Variants in CCDC47 observed in about 807,000 individuals in gnomAD.
CCDC47 encodes the protein coiled-coil domain containing 47.
In CCDC47, 41 loss-of-function variants were observed where a neutral mutation model predicts 60.5. The observed-to-expected ratio is 0.68, with a 90% CI of 0.53 to 0.88. The LOEUF is 0.88. Among genes scored for constraint, CCDC47 ranks in the 40% least tolerant of loss-of-function variants. The pLI is 0.00. For missense variants in CCDC47, 513 were observed against 580.9 expected (o/e 0.88, Z 1.20); for synonymous variants, 195 against 190.7 (o/e 1.02, Z -0.18).
intron 12 of CCDC47, among the ~76,000 whole-genome samples, chr17:63,748,172 TG>T (rs1180940192): frequency 6.6e-6 from 1 of 151,590 alleles, no homozygotes; most frequent in Non-Finnish European, 1.5e-5. Context: ...TTTTTTTGTT[TG>T]TGTTTGTTTT....
chr17:63,758,913 G>A (rs1394652406), intron 6 of CCDC47, among the ~76,000 whole-genome samples: 1 of 152,066 alleles, frequency 6.6e-6, no homozygotes, highest in African/African-American at 2.4e-5. Flanking sequence ...AAAATATAAA[G>A]AGCCACATAT....
chr17:63,763,254 A>G (rs889600983), intron 4 of CCDC47, among the ~76,000 whole-genome samples: 1 of 152,134 alleles, frequency 6.6e-6, no homozygotes. Context: ...TGGATGCAGT[A>G]GCTCACGTCT....
At chr17:63,761,567 C>T (rs1261785965) in intron 4 of CCDC47, 3 of 334,218 alleles carry the variant, frequency 9.0e-6, no homozygotes, top group African/African-American at 2.2e-5. Flanking sequence ...CATGGTGGCG[C>T]GTACCTGTAG....
intron 3 of CCDC47, 95 bp from the exon 4 acceptor site, chr17:63,764,285 G>C (rs2039281858): frequency 2.2e-6 from 2 of 902,138 alleles, no homozygotes; most frequent in South Asian, 3.5e-5. Flanking sequence ...ATAAACAGAA[G>C]GGATACTTCA....
rs1361622803 is a variant in CCDC47, at chr17:63,753,017, T to G, written c.1035-218A>C. The G allele has an allele frequency of 5.6e-6, 4 of 716,820 alleles. No homozygotes were observed. The African/African-American group carries it at 5.8e-5, about 10-fold the overall frequency. 44.4% of individuals were successfully genotyped at this position (716,820 alleles called of 1,614,324 possible). The stretch of plus-strand genomic sequence containing the variant: ...TTCTCAAGTGATCTTTATCCTATAT[T>G]TGAACACCTCCAGTGATGTTCCCTC... On this transcript the variant is annotated intron_variant, in intron 9 of 12. Transcript: ENST00000225726.
Position 63,766,189 on chromosome 17 carries a change from A to G in CCDC47, c.-14T>C. The G allele has an allele frequency of 1.9e-6, 3 of 1,588,520 alleles. No homozygotes were observed. Among genetic ancestry groups the G allele is most frequent in the Non-Finnish European group, 2.6e-6 (3 of 1,171,780 alleles). ...GAAGGCTTTCATTGCACCTTGAGAA[A>G]AAAAGCTTAAAAAAAAAGAGAACCC... On this transcript the variant is annotated 5_prime_UTR_variant, in exon 2 of 13. Transcript: ENST00000225726.
Position 63,754,473 on chromosome 17 carries a change from G to T in CCDC47, c.994C>A (p.His332Asn). 1 of 1,609,164 alleles carries T rather than the reference G, an allele frequency of 6.2e-7. No individual in the cohort carries two copies. The highest frequency in any genetic ancestry group is 1.1e-5 in the South Asian group (1 of 90,654). Residue 332 changes from histidine (H) to asparagine (N), a missense_variant, in exon 9 of 13, where the codon CAT (histidine) becomes AAT (asparagine). Transcript: ENST00000225726. ...THYADKIESVHFSDQFSGPKI... is the reference protein window; with the variant it reads ...THYADKIESVNFSDQFSGPKI... Reference sequence around the variant, plus strand: ...GGACCAGAGAACTGGTCTGAAAAATGAACAGATTCAATCTTGTCAGCATAG... The same window carrying T: ...GGACCAGAGAACTGGTCTGAAAAATTAACAGATTCAATCTTGTCAGCATAG...
chr17:63,761,102 T>C, intron 5 of CCDC47, 123 bp from the exon 6 acceptor site: 1 of 1,418,050 alleles, frequency 7.1e-7, no homozygotes, highest in Non-Finnish European at 9.9e-7. Context: ...CCAGTTAGTA[T>C]AAATATCACT....
intron 12 of CCDC47, chr17:63,747,445 T>G (rs2039129274): frequency 1.0e-6 from 1 of 983,304 alleles, no homozygotes; most frequent in Non-Finnish European, 1.2e-6. Flanking sequence ...ATACTTAAAT[T>G]CATAATGCTC....
At chr17:63,758,709 A>G (rs888748416) in intron 6 of CCDC47, among the ~76,000 whole-genome samples, 1 of 152,058 alleles carries the variant, frequency 6.6e-6, no homozygotes, top group Non-Finnish European at 1.5e-5. Flanking sequence ...CTGATATGAT[A>G]TATTTGTTAT....
intron 1 of CCDC47, among the ~76,000 whole-genome samples, chr17:63,771,999 TTGAAC>T (rs2039345810): frequency 1.3e-4 from 20 of 151,982 alleles, no homozygotes; most frequent in Admixed American, 1.3e-3. Flanking sequence ...GGAGAATCGC[TTGAAC>T]CCGAGAGATG....
intron 12 of CCDC47, among the ~76,000 whole-genome samples, chr17:63,750,262 T>C (rs1161025014): frequency 6.6e-6 from 1 of 152,202 alleles, no homozygotes; most frequent in African/African-American, 2.4e-5. Context: ...GATTCCTCTG[T>C]AGATTCTTCA....
chr17:63,771,305 G>C (rs142208978), intron 1 of CCDC47, among the ~76,000 whole-genome samples: 1 of 151,994 alleles, frequency 6.6e-6, no homozygotes, highest in Non-Finnish European at 1.5e-5. Flanking sequence ...ACATATATAA[G>C]TATATGGTAG....
intron 1 of CCDC47, chr17:63,767,042 A>C (rs2039303098): frequency 1.9e-6 from 1 of 519,492 alleles, no homozygotes; most frequent in African/African-American, 2.1e-5. Flanking sequence ...TCCTCATAAC[A>C]ACCCTCTAAG....
At chr17:63,747,000 G>A (rs1221188295) in intron 12 of CCDC47, 39 bp from the exon 13 acceptor site, 3 of 1,603,644 alleles carry the variant, frequency 1.9e-6, no homozygotes, top group Admixed American at 3.4e-5. Context: ...AAAGGGAGTG[G>A]GGACGAGAGA....
At chr17:63,760,020 C>T (rs939440924) in intron 6 of CCDC47, among the ~76,000 whole-genome samples, 3 of 145,318 alleles carry the variant, frequency 2.1e-5, no homozygotes, top group Non-Finnish European at 4.5e-5. Flanking sequence ...GCCGAGATTG[C>T]ACCACTGCAC....
chr17:63,751,662 T>C (rs1346380052), intron 12 of CCDC47: 4 of 552,282 alleles, frequency 7.2e-6, no homozygotes, highest in Admixed American at 3.3e-5. Flanking sequence ...TCTACCAAAG[T>C]GTTTGGCTCG....
At chr17:63,766,556 T>C (rs556271338) in intron 1 of CCDC47, among the ~76,000 whole-genome samples, 1 of 152,288 alleles carries the variant, frequency 6.6e-6, no homozygotes, top group East Asian at 1.9e-4. Flanking sequence ...CCCGAGTAGC[T>C]GGGATTACAG....
intron 1 of CCDC47, chr17:63,766,722 G>T: frequency 1.6e-6 from 1 of 618,838 alleles, no homozygotes; most frequent in Non-Finnish European, 2.0e-6. Flanking sequence ...ACTGTGCCCA[G>T]CCCAAGTCAT....
Sources: allele counts gnomAD v4.1 joint callset (sites outside exome capture counted in the v4.1 genomes callset), GRCh38; gene constraint gnomAD v4.1.1; transcripts MANE v1.5; gene names NCBI Gene and HGNC (gene_info 2026-07-23, HGNC 2026-07-21).